NDEL1: variants seen among roughly 807,000 people sequenced by gnomAD.
NDEL1 encodes the protein nudE neurodevelopment protein 1 like 1.
A neutral mutation model predicts 45.7 loss-of-function variants in NDEL1; 9 were observed. The observed-to-expected ratio is 0.20, with a 90% CI of 0.12 to 0.34. The LOEUF (loss-of-function observed/expected upper bound fraction) is 0.34, where lower values mean the gene tolerates loss of function less well. NDEL1 is among the 10% of genes least tolerant of loss of function. The pLI is 1.00. For synonymous variants in NDEL1, 133 were observed against 158.6 expected, an observed-to-expected ratio of 0.84 and a Z score of 1.21; for missense variants, 306 against 406.2, an observed-to-expected ratio of 0.75 and a Z score of 2.12.
At chr17:8,454,551 T>A (rs1910712339) in intron 6 of NDEL1, among the ~76,000 whole-genome samples, 1 of 152,206 alleles carries the variant, frequency 6.6e-6, no homozygotes, top group Admixed American at 6.5e-5. Flanking sequence ...CCAGAAATAC[T>A]TGTCTAGATG....
intron 3 of NDEL1, among the ~76,000 whole-genome samples, chr17:8,473,493 C>A (rs1911965167): frequency 6.6e-6 from 1 of 152,112 alleles, no homozygotes; most frequent in South Asian, 2.1e-4. Flanking sequence ...GCCCAGAGTT[C>A]TTACTTTTTG....
rs145672131 is a variant in NDEL1, at chr17:8,419,942, C to T, written c.-13+6673C>T. ...GAGGAGAATAAAGAAGCAGATCACC[C>T]GAGAAATAATAGCTTAACGGAGAGA... On this transcript the variant is annotated intron_variant, in intron 1 of 4. Transcript: ENST00000582812. Among the ~76,000 whole-genome samples the T allele has an allele frequency of 4.8e-3, 734 of 152,192 alleles. 6 individuals carry two copies. Among genetic ancestry groups the T allele is most frequent in the African/African-American group, 0.017 (698 of 41,514 alleles).
intron 7 of NDEL1, among the ~76,000 whole-genome samples, chr17:8,459,708 G>T (rs1458119589): frequency 6.6e-6 from 1 of 152,192 alleles, no homozygotes; most frequent in African/African-American, 2.4e-5. Flanking sequence ...ATAGGGTCAA[G>T]AGACCTGGGA....
intron 1 of NDEL1, among the ~76,000 whole-genome samples, chr17:8,428,914 CTG>C (rs1908932263): frequency 6.6e-6 from 1 of 151,976 alleles, no homozygotes; most frequent in African/African-American, 2.4e-5. Context: ...ACCTTGTGAT[CTG>C]CCTGCCTTGG....
intron 1 of NDEL1, among the ~76,000 whole-genome samples, chr17:8,420,504 C>T (rs890179906): frequency 1.3e-5 from 2 of 152,204 alleles, no homozygotes; most frequent in African/African-American, 4.8e-5. Context: ...GTTCAATTTG[C>T]ATCTGGGACA....
intron 7 of NDEL1, among the ~76,000 whole-genome samples, chr17:8,459,025 C>T (rs1298035097): frequency 6.6e-6 from 1 of 152,152 alleles, no homozygotes; most frequent in Non-Finnish European, 1.5e-5. Context: ...AGCCACTGCA[C>T]CCAACCATTG....
At chr17:8,415,788 C>CTCACACT (rs1244153970) in intron 1 of NDEL1, among the ~76,000 whole-genome samples, 1 of 152,012 alleles carries the variant, frequency 6.6e-6, no homozygotes, top group Non-Finnish European at 1.5e-5. Flanking sequence ...CGCACTGTTG[C>CTCACACT]CCAGGCTGGA....
At chr17:8,466,222 A>G (rs1362597566) in intron 8 of NDEL1, 1 of 152,244 alleles carries the variant, frequency 6.6e-6, no homozygotes, top group African/African-American at 2.4e-5. Flanking sequence ...CCCACAGCCC[A>G]GAGGGAAGAA....
chr17:8,453,703 T>G (rs1597547219), intron 6 of NDEL1, among the ~76,000 whole-genome samples: 1 of 152,290 alleles, frequency 6.6e-6, no homozygotes, highest in South Asian at 2.1e-4. Context: ...AATTTCAACT[T>G]CTAATAAAAA....
intron 5 of NDEL1, among the ~76,000 whole-genome samples, chr17:8,449,455 C>T (rs1358257137): frequency 6.6e-6 from 1 of 152,088 alleles, no homozygotes; most frequent in South Asian, 2.1e-4. Flanking sequence ...GTGTACAGTC[C>T]AGTAGTGTTA....
At chr17:8,427,823 C>T (rs777236737) in intron 1 of NDEL1, among the ~76,000 whole-genome samples, 8 of 152,176 alleles carry the variant, frequency 5.3e-5, no homozygotes, top group East Asian at 1.9e-4. Context: ...GCCATTTATA[C>T]GACCAATATT....
At position 8,466,952 on chromosome 17, in the gene NDEL1, G is replaced by A. The variant is rs8080582; in HGVS notation, c.967G>A (p.Ala323Thr). The A allele has an allele frequency of 3.7e-6, 6 of 1,613,984 alleles. No individual in the cohort carries two copies. The African/African-American group carries it at 4.0e-5, about 11-fold the overall frequency. ...DKGAVNGFDP[A>T]PPPPGLGSSR... ...CAGGGCAGTAAACGGCTTTGACCCC[G>A]CTCCTCCTCCTCCTGGTCTGGGCTC... is the stretch of plus-strand genomic sequence containing the variant. Residue 323 changes from alanine to threonine, a missense_variant, in exon 9 of 9, where the codon GCT (alanine) becomes ACT (threonine). By Grantham distance (58) the Ala-to-Thr change is moderately conservative. This residue lies in a region of NDEL1 where 175 missense variants were observed against 205.2 expected (regional missense o/e 0.85). Coordinates refer to ENST00000334527, the MANE Select transcript of NDEL1 (RefSeq NM_030808.5).
downstream of NDEL1, among the ~76,000 whole-genome samples, chr17:8,472,141 G>A (rs961396998): frequency 1.3e-5 from 2 of 152,172 alleles, no homozygotes; most frequent in African/African-American, 2.4e-5. Context: ...ATGTGGACAT[G>A]TCTGTCCCTC....
At chr17:8,424,751 G>T (rs1047723068) in intron 1 of NDEL1, among the ~76,000 whole-genome samples, 1 of 152,144 alleles carries the variant, frequency 6.6e-6, no homozygotes, top group Non-Finnish European at 1.5e-5. Context: ...TGATCCACCC[G>T]CCTTGGCCTC....
chr17:8,463,283 G>A (rs778361812), intron 8 of NDEL1: 20 of 1,552,258 alleles, frequency 1.3e-5, no homozygotes, highest in Middle Eastern at 1.7e-4. Flanking sequence ...AATAGTATTC[G>A]TATTACTGTT....
At chr17:8,432,525 C>T (rs1175834315), upstream of NDEL1, among the ~76,000 whole-genome samples, 2 of 151,188 alleles carry the variant, frequency 1.3e-5, no homozygotes, top group East Asian at 1.9e-4. Flanking sequence ...GCTGGGACTA[C>T]AGGCGTCCAC....
intron 8 of NDEL1, among the ~76,000 whole-genome samples, chr17:8,462,315 G>A (rs770329637): frequency 1.3e-5 from 2 of 152,172 alleles, no homozygotes; most frequent in Non-Finnish European, 2.9e-5. Flanking sequence ...TATATGATAA[G>A]TGGATTGTGT....
chr17:8,432,347 A>ATATATATATATTAT (rs1597516746), upstream of NDEL1, among the ~76,000 whole-genome samples: 230 of 58,402 alleles, frequency 3.9e-3, 1 homozygote, highest in South Asian at 0.014. Context: ...ATTATATATA[A>ATATATATATATTAT]ATATAAATAT....
In NDEL1 at chr17:8,436,038, C is replaced by T; in HGVS notation, c.-20C>T. On this transcript the variant is annotated 5_prime_UTR_variant, in exon 1 of 9. Coordinates refer to ENST00000334527, the MANE Select transcript of NDEL1 (RefSeq NM_030808.5). The stretch of plus-strand genomic sequence containing the variant: ...CGGCGGCGAACATGCGCTTTTGACA[C>T]ATTGGAGGTGAGCCTGCAGCGCGGG... 1 of 442,234 alleles carries T rather than the reference C, an allele frequency of 2.3e-6. No individual in the cohort carries two copies. Among genetic ancestry groups the T allele is most frequent in the South Asian group, 1.6e-5 (1 of 63,354 alleles). 27.4% of individuals were successfully genotyped at this position (442,234 alleles called of 1,614,324 possible). A position where few individuals can be genotyped will look rare whatever the true frequency, so the allele number is the denominator to read the frequency against.
Sources: gnomAD v4.1 joint callset for allele counts (sites outside exome capture counted in the v4.1 genomes callset) on GRCh38, gnomAD v4.1.1 for gene constraint, gnomAD v4.1.1 regional missense constraint, MANE v1.5 for transcripts, NCBI Gene and HGNC (gene_info 2026-07-23, HGNC 2026-07-21) for gene names.